Variants in CLOCK observed in about 807,000 individuals in gnomAD.
The protein encoded by CLOCK is circadian locomoter output cycles protein kaput.
A neutral mutation model predicts 118.4 loss-of-function variants in CLOCK; 43 were observed. The observed-to-expected ratio is 0.36, with a 90% confidence interval of 0.28 to 0.47. The LOEUF (loss-of-function observed/expected upper bound fraction) is 0.47, where lower values mean the gene tolerates loss of function less well. Ranked by LOEUF, CLOCK falls within the 20% of genes least tolerant of loss-of-function variation. CLOCK has a pLI of 1.00. For synonymous variants in CLOCK, 326 were observed against 339.2 expected, an observed-to-expected ratio of 0.96 and a Z score of 0.43; for missense variants, 846 against 999.9, an observed-to-expected ratio of 0.85 and a Z score of 2.08.
intron 1 of CLOCK, among the ~76,000 whole-genome samples, chr4:55,522,236 C>A (rs968219614): frequency 4.6e-5 from 7 of 151,846 alleles, no homozygotes; most frequent in Admixed American, 4.6e-4. Context: ...CTATCATAAA[C>A]CTTAAAGGAA....
In CLOCK at chr4:55,434,125, A is replaced by G. The variant is rs1258399837; in HGVS notation, c.*1290T>C. The G allele has an allele frequency of 6.6e-6, 1 of 152,636 alleles. No individual in the cohort carries two copies. The highest frequency in any genetic ancestry group is 1.5e-5 in the Non-Finnish European group (1 of 68,042). The allele number at this position is 152,636 out of a possible 1,614,324, so 9.5% of individuals were successfully genotyped here. A position where few individuals can be genotyped will look rare whatever the true frequency, so the allele number is the denominator to read the frequency against. On this transcript the variant is annotated 3_prime_UTR_variant, in exon 23 of 23. Coordinates refer to ENST00000513440, the MANE Select transcript of CLOCK (RefSeq NM_004898.4). ...GACACTGACACCCACATGCTGTTAA[A>G]AAGGTACTAAGGTTTCAAAACTGCT... is the stretch of plus-strand genomic sequence containing the variant.
intron 2 of CLOCK, chr4:55,501,588 A>G (rs1470184812): frequency 1.3e-5 from 2 of 152,094 alleles, no homozygotes; most frequent in Admixed American, 6.6e-5. Context: ...TGGCTTATAC[A>G]TATTTTTTTA....
rs1722336131 is a variant in CLOCK, at chr4:55,428,686, G to GAATATCAC, written c.*6721_*6728dup. 1 of 151,884 alleles carries GAATATCAC rather than the reference G, an allele frequency of 6.6e-6. No individual in the cohort carries two copies. The highest frequency in any genetic ancestry group is 1.5e-5 in the Non-Finnish European group (1 of 67,998). The allele number at this position is 151,884 out of a possible 1,614,324, so 9.4% of individuals were successfully genotyped here. A position where few individuals can be genotyped will look rare whatever the true frequency, so the allele number is the denominator to read the frequency against. ...CAAGCAGTAAGGACAGCAATGTCAA[G>GAATATCAC]AATATCACATTGAGAACCACACAGA... On this transcript the variant is annotated 3_prime_UTR_variant, in exon 23 of 23. Coordinates refer to ENST00000513440, the MANE Select transcript of CLOCK (RefSeq NM_004898.4).
chr4:55,501,484 C>T (rs1397990272), intron 2 of CLOCK: 1 of 151,820 alleles, frequency 6.6e-6, no homozygotes, highest in Non-Finnish European at 1.5e-5. Flanking sequence ...GTGGCCTAAT[C>T]ACAGCTCACT....
intron 17 of CLOCK, 26 bp from the exon 18 acceptor site, chr4:55,448,894 G>A (rs1261502298): frequency 6.5e-7 from 1 of 1,530,214 alleles, no homozygotes; most frequent in Non-Finnish European, 9.1e-7. Context: ...AAATAACACT[G>A]AAGTGATTCT....
At chr4:55,538,994 G>A (rs1169589105) in intron 1 of CLOCK, among the ~76,000 whole-genome samples, 1 of 152,190 alleles carries the variant, frequency 6.6e-6, no homozygotes, top group East Asian at 1.9e-4. Flanking sequence ...CACTTTGGGA[G>A]GCCAAGGTGG....
chr4:55,448,941 A>T, intron 17 of CLOCK, 73 bp from the exon 18 acceptor site: 1 of 1,125,098 alleles, frequency 8.9e-7, no homozygotes, highest in Non-Finnish European at 1.3e-6. Flanking sequence ...AGAAATATCA[A>T]TATGATATTC....
intron 1 of CLOCK, among the ~76,000 whole-genome samples, chr4:55,530,067 C>T (rs1730436958): frequency 6.6e-6 from 1 of 151,412 alleles, no homozygotes; most frequent in African/African-American, 2.4e-5. Context: ...GAAATATTAC[C>T]AAGGAAATAA....
chr4:55,450,515 C>G (rs1294740587), intron 15 of CLOCK, among the ~76,000 whole-genome samples: 1 of 152,152 alleles, frequency 6.6e-6, no homozygotes, highest in Non-Finnish European at 1.5e-5. Context: ...CACCTGTAAT[C>G]CCAGCACTTT....
At chr4:55,541,093 GTAATAAC>G (rs1731242512) in intron 1 of CLOCK, among the ~76,000 whole-genome samples, 1 of 152,050 alleles carries the variant, frequency 6.6e-6, no homozygotes, top group African/African-American at 2.4e-5. Context: ...TCCAACTAAA[GTAATAAC>G]TCAGAGTTGA....
At chr4:55,462,844 T>TTGCGTG (rs1553893964) in intron 9 of CLOCK, among the ~76,000 whole-genome samples, 1 of 151,330 alleles carries the variant, frequency 6.6e-6, no homozygotes, top group Non-Finnish European at 1.5e-5. Flanking sequence ...ACACACAGAT[T>TTGCGTG]TGTGTGAGTG....
At chr4:55,544,337 T>A (rs1184630114) in intron 1 of CLOCK, among the ~76,000 whole-genome samples, 2 of 152,142 alleles carry the variant, frequency 1.3e-5, no homozygotes, top group Non-Finnish European at 2.9e-5. Context: ...CTCATAATTG[T>A]TTGTCATGAA....
At chr4:55,527,743 A>T (rs753679455) in intron 1 of CLOCK, among the ~76,000 whole-genome samples, 6 of 152,140 alleles carry the variant, frequency 3.9e-5, no homozygotes, top group Non-Finnish European at 7.4e-5. Context: ...TGATACCGAG[A>T]TTATGAAAGA....
Position 55,469,756 on chromosome 4 carries a change from G to A in CLOCK, c.438+961C>T, listed in dbSNP as rs560572317. 1.2e-4 allele frequency among the ~76,000 whole-genome samples: 19 copies of A among 152,340 alleles called. No individual in the cohort carries two copies. In the South Asian group the frequency reaches 3.5e-3, roughly 28 times the overall value. Reference sequence around the variant, plus strand: ...AGGGTCTTGCTCTGTCACCCAGGCTGGAGTGCAGTGGCACCATCACGGCCC... The same window carrying A: ...AGGGTCTTGCTCTGTCACCCAGGCTAGAGTGCAGTGGCACCATCACGGCCC... On this transcript the variant is annotated intron_variant, in intron 8 of 22. Coordinates refer to ENST00000513440, the MANE Select transcript of CLOCK (RefSeq NM_004898.4).
intron 15 of CLOCK, among the ~76,000 whole-genome samples, chr4:55,451,503 T>C (rs558337001): frequency 1.1e-4 from 16 of 152,208 alleles, no homozygotes; most frequent in African/African-American, 3.9e-4. Flanking sequence ...TTTGAAACCA[T>C]CCACACATTG....
At chr4:55,493,462 G>A (rs1420072572) in intron 2 of CLOCK, among the ~76,000 whole-genome samples, 1 of 152,078 alleles carries the variant, frequency 6.6e-6, no homozygotes, top group East Asian at 1.9e-4. Context: ...CAAAACCTAA[G>A]GAACAAACCT....
intron 3 of CLOCK, among the ~76,000 whole-genome samples, chr4:55,487,374 G>A (rs946500985): frequency 2.0e-5 from 3 of 152,088 alleles, no homozygotes; most frequent in African/African-American, 7.2e-5. Flanking sequence ...TTTACTGTAG[G>A]GCTATCAGGT....
intron 2 of CLOCK, among the ~76,000 whole-genome samples, chr4:55,499,079 C>T (rs543085963): frequency 3.3e-4 from 51 of 152,290 alleles, no homozygotes; most frequent in Non-Finnish European, 6.3e-4. Context: ...TATTTTTACA[C>T]TCCTTTCAGA....
rs900807951 is a variant in CLOCK, at chr4:55,520,628, A to G, written c.-289-10563T>C. On this transcript the variant is annotated intron_variant, in intron 1 of 22. Transcript: ENST00000513440. ...ACATACAGGGTTTTTCTCCCTCCCA[A>G]ATCTTTTTAATACTAAGGTTCAGTT... Among the ~76,000 whole-genome samples the G allele has an allele frequency of 5.9e-5, 9 of 152,284 alleles. No homozygotes were observed. The East Asian group carries it at 1.3e-3, about 23-fold the overall frequency.
Sources: allele counts gnomAD v4.1 joint callset (sites outside exome capture counted in the v4.1 genomes callset), GRCh38; gene constraint gnomAD v4.1.1; transcripts MANE v1.5; gene names NCBI Gene and HGNC (gene_info 2026-07-23, HGNC 2026-07-21).